Variants in KDM6A observed in about 807,000 individuals in gnomAD.
KDM6A encodes lysine demethylase 6A, also known as lysine-specific demethylase 6A.
In KDM6A, 11 loss-of-function variants were observed where a neutral mutation model predicts 117.6. That is an observed-to-expected ratio of 0.09 (90% CI 0.06 to 0.15). The LOEUF (loss-of-function observed/expected upper bound fraction) is 0.15. KDM6A is among the 10% of genes least tolerant of loss of function. KDM6A has a pLI of 1.00. For synonymous variants in KDM6A, 384 were observed against 396.1 expected (o/e 0.97, Z 0.36); for missense variants, 799 against 1,077.3 (o/e 0.74, Z 3.62).
At chrX:45,023,784 C>T (rs1225644181) in intron 6 of KDM6A, among the ~76,000 whole-genome samples, 3 of 110,553 alleles carry the variant, frequency 2.7e-5, no homozygotes, top group Non-Finnish European at 5.7e-5. Flanking sequence ...GTCTTTTATC[C>T]CGCACCCCCT....
chrX:45,019,900 T>C (rs1379822882), intron 5 of KDM6A, among the ~76,000 whole-genome samples: 1 of 111,806 alleles, frequency 8.9e-6, no homozygotes, highest in Admixed American at 9.5e-5. Context: ...CTATTGGTGA[T>C]CAAAACCTTT....
chrX:45,086,330 A>G, intron 25 of KDM6A: 2 of 211,747 alleles, frequency 9.4e-6, no homozygotes, highest in East Asian at 2.5e-4. Context: ...AGTAGAAGGA[A>G]TTCTTTATTG....
intron 2 of KDM6A, among the ~76,000 whole-genome samples, chrX:44,896,437 G>A (rs1015909050): frequency 1.8e-5 from 2 of 111,008 alleles, no homozygotes; most frequent in Non-Finnish European, 3.8e-5. Flanking sequence ...CACATCAGAT[G>A]GTGTGATAAA....
intron 3 of KDM6A, among the ~76,000 whole-genome samples, chrX:44,966,241 A>G (rs2039003892): frequency 9.1e-6 from 1 of 110,278 alleles, no homozygotes; most frequent in African/African-American, 3.3e-5. Context: ...TCCTGGGCTC[A>G]AGTGATTCTC....
chrX:44,913,851 A>G (rs778119591), intron 2 of KDM6A, among the ~76,000 whole-genome samples: 5 of 111,409 alleles, frequency 4.5e-5, no homozygotes, highest in Admixed American at 9.5e-5. Flanking sequence ...CCCATAGTGC[A>G]TGCCATTCCT....
At chrX:44,900,709 C>T (rs1395270429) in intron 2 of KDM6A, among the ~76,000 whole-genome samples, 1 of 110,778 alleles carries the variant, frequency 9.0e-6, no homozygotes, top group East Asian at 2.8e-4. Flanking sequence ...CCAGCCTGGC[C>T]AACACAGTGA....
At chrX:45,082,980 G>A (rs1602951088) in intron 23 of KDM6A, among the ~76,000 whole-genome samples, 191 bp downstream of exon 23, 1 of 109,650 alleles carries the variant, frequency 9.1e-6, no homozygotes, top group East Asian at 2.8e-4. Flanking sequence ...AAATAGAGAT[G>A]GGGTCTCACT....
At chrX:45,043,314 G>T (rs1469340595) in intron 8 of KDM6A, among the ~76,000 whole-genome samples, 1 of 110,804 alleles carries the variant, frequency 9.0e-6, no homozygotes, top group East Asian at 2.8e-4. Context: ...CGAAAAAAAA[G>T]GTCTTTTGTA....
intron 4 of KDM6A, among the ~76,000 whole-genome samples, chrX:45,001,047 C>CTA (rs780082421): frequency 8.9e-6 from 1 of 112,670 alleles, no homozygotes; most frequent in East Asian, 2.8e-4. Context: ...TTAACTTTTA[C>CTA]TATAGCTATC....
intron 2 of KDM6A, among the ~76,000 whole-genome samples, chrX:44,916,289 C>G (rs2035545876): frequency 9.1e-6 from 1 of 110,180 alleles, no homozygotes; most frequent in Admixed American, 9.8e-5. Context: ...CATTGTTGAC[C>G]AAGCAGGCTA....
chrX:44,963,547 G>T (rs1243073577), intron 3 of KDM6A, among the ~76,000 whole-genome samples: 3 of 97,199 alleles, frequency 3.1e-5, no homozygotes, highest in African/African-American at 1.1e-4. Flanking sequence ...CTTTTTTAAA[G>T]AAACTACTTT....
chrX:44,923,857 G>A (rs180899913), intron 2 of KDM6A, among the ~76,000 whole-genome samples: 103 of 111,217 alleles, frequency 9.3e-4, no homozygotes, highest in African/African-American at 3.3e-3. Flanking sequence ...CAGGTAGCTG[G>A]GATTACAGGC....
chrX:45,037,791 T>A (rs766376951), intron 8 of KDM6A, 102 bp downstream of exon 8: 1 of 647,149 alleles, frequency 1.5e-6, no homozygotes, highest in East Asian at 3.3e-5. Flanking sequence ...TTTAATGGAG[T>A]TCTGGGCGTT....
At chrX:44,958,870 GTATCTTCTGT>G (rs2038514775) in intron 2 of KDM6A, among the ~76,000 whole-genome samples, 1 of 110,909 alleles carries the variant, frequency 9.0e-6, no homozygotes, top group Non-Finnish European at 1.9e-5. Context: ...TAAACAGTAT[GTATCTTCTGT>G]TATCATTAGC....
chrX:45,083,496 T>G lies in KDM6A; in HGVS notation c.3477T>G (p.Pro1159=). 1 of 1,210,009 alleles carries G rather than the reference T, an allele frequency of 8.3e-7. No individual in the cohort carries two copies. The highest frequency in any genetic ancestry group is 1.1e-6 in the Non-Finnish European group (1 of 893,940). The change falls in exon 24 of 30, where the codon CCT becomes CCG. Residue 1159 remains proline (P), a synonymous_variant. Coordinates refer to ENST00000611820, the MANE Select transcript of KDM6A (RefSeq NM_001291415.2). The part of the protein sequence containing the change: ...KLQLHELTKL[P]AFVRVVSAGN... ...AGCTACATGAGCTGACTAAACTTCCTGCTTTTGTGCGTGTCGTATCAGCAG... is the reference window on the plus strand; with the variant it reads ...AGCTACATGAGCTGACTAAACTTCCGGCTTTTGTGCGTGTCGTATCAGCAG...
At chrX:44,998,215 G>A (rs190352985) in intron 4 of KDM6A, among the ~76,000 whole-genome samples, 78 of 111,756 alleles carry the variant, frequency 7.0e-4, no homozygotes, top group African/African-American at 2.3e-3. Context: ...TAAAGTTGAG[G>A]TCCTAACTAA....
At chrX:44,893,020 A>AT (rs2033513670) in intron 2 of KDM6A, among the ~76,000 whole-genome samples, 1 of 105,450 alleles carries the variant, frequency 9.5e-6, no homozygotes, top group African/African-American at 3.5e-5. Context: ...AAAAAAAAAA[A>AT]AAAAATAGCC....
rs2044401072 is a variant in KDM6A at position 45,063,677 on chromosome X, A to C, written c.1939A>C (p.Asn647His). Residue 647 changes from asparagine to histidine, a missense_variant, in exon 17 of 30, where the codon AAT becomes CAT. Coordinates refer to ENST00000611820, the MANE Select transcript of KDM6A (RefSeq NM_001291415.2). ...LGSTDTILIG[N>H]NHITGSGSNG... is the part of the protein sequence containing the mutation. ...AAGTACAGACACTATTTTGATAGGCAATAATCATATAACAGGAAGTGGAAG... is the reference window on the plus strand; with the variant it reads ...AAGTACAGACACTATTTTGATAGGCCATAATCATATAACAGGAAGTGGAAG... The C allele has an allele frequency of 8.3e-7, 1 of 1,208,566 alleles. No homozygotes were observed. Among genetic ancestry groups the C allele is most frequent in the Admixed American group, 2.2e-5 (1 of 45,605 alleles).
chrX:45,022,010 T>C (rs1484621001), intron 6 of KDM6A, among the ~76,000 whole-genome samples: 1 of 112,408 alleles, frequency 8.9e-6, no homozygotes, highest in African/African-American at 3.2e-5. Context: ...AAATGTCTTA[T>C]AATACAGAAT....
Sources: allele counts gnomAD v4.1 joint callset (sites outside exome capture counted in the v4.1 genomes callset), GRCh38; gene constraint gnomAD v4.1.1; transcripts MANE v1.5; gene names NCBI Gene and HGNC (gene_info 2026-07-23, HGNC 2026-07-21).